ERBB4: variants seen among roughly 807,000 people sequenced by gnomAD.
The protein encoded by ERBB4 is erb-b2 receptor tyrosine kinase 4, also known as receptor tyrosine-protein kinase erbB-4.
ERBB4 carries 42 observed loss-of-function variants against 158.0 expected under a neutral mutation model. The ratio of observed to expected loss-of-function variants is 0.27; its 90% CI spans 0.21 to 0.34. The LOEUF (loss-of-function observed/expected upper bound fraction) is 0.34, where lower values mean the gene tolerates loss of function less well. Among genes scored for constraint, ERBB4 ranks in the 10% least tolerant of loss-of-function variants. The pLI is 1.00. For missense variants in ERBB4, 1,333 were observed against 1,624.1 expected (o/e 0.82, Z 3.08); for synonymous variants, 583 against 558.7 (o/e 1.04, Z -0.61).
intron 6 of ERBB4, among the ~76,000 whole-genome samples, chr2:211,722,793 A>T (rs2074145866): frequency 6.6e-6 from 1 of 152,222 alleles, no homozygotes; most frequent in Admixed American, 6.5e-5. Context: ...ATTGGTTTAA[A>T]GTTAGCTAAT....
chr2:211,834,739 T>G (rs2077302918), intron 3 of ERBB4, among the ~76,000 whole-genome samples: 1 of 152,070 alleles, frequency 6.6e-6, no homozygotes, highest in Admixed American at 6.6e-5. Flanking sequence ...TGTTGTAGAA[T>G]CTGAATCTCA....
intron 2 of ERBB4, among the ~76,000 whole-genome samples, chr2:211,949,472 T>C (rs1313729567): frequency 6.6e-6 from 1 of 152,210 alleles, no homozygotes; most frequent in Non-Finnish European, 1.5e-5. Context: ...TTGAAGATTA[T>C]ATGATGAAAT....
chr2:212,481,600 C>T (rs777817050), intron 1 of ERBB4, among the ~76,000 whole-genome samples: 8 of 152,112 alleles, frequency 5.3e-5, no homozygotes, highest in African/African-American at 1.4e-4. Context: ...ATCTTTTCAA[C>T]GCTAAAACAA....
chr2:211,831,315 T>C (rs2077214543), intron 3 of ERBB4, among the ~76,000 whole-genome samples: 1 of 152,198 alleles, frequency 6.6e-6, no homozygotes, highest in Non-Finnish European at 1.5e-5. Flanking sequence ...GTTTTACTCA[T>C]GAAGGGTCAT....
At chr2:212,489,326 C>A (rs1690147571) in intron 1 of ERBB4, among the ~76,000 whole-genome samples, 1 of 151,846 alleles carries the variant, frequency 6.6e-6, no homozygotes. Flanking sequence ...TCATAGGTAA[C>A]AAGGCTTGAG....
chr2:211,865,986 C>A (rs572754530), intron 3 of ERBB4, among the ~76,000 whole-genome samples: 2 of 152,042 alleles, frequency 1.3e-5, no homozygotes, highest in Non-Finnish European at 2.9e-5. Flanking sequence ...ATACTGTGAC[C>A]GATAAAAACT....
intron 1 of ERBB4, among the ~76,000 whole-genome samples, chr2:212,468,369 G>A (rs6733009): frequency 2.0e-5 from 3 of 152,070 alleles, no homozygotes; most frequent in Non-Finnish European, 4.4e-5. Context: ...TGCACTGTGG[G>A]AGGGACCCGG....
chr2:211,619,730 G>T (rs748929549), intron 18 of ERBB4, among the ~76,000 whole-genome samples: 3 of 152,048 alleles, frequency 2.0e-5, no homozygotes, highest in Non-Finnish European at 4.4e-5. Context: ...ATATTCAGCA[G>T]CAAGAAAAAC....
chr2:212,205,543 C>A (rs1027811326), intron 1 of ERBB4, among the ~76,000 whole-genome samples: 12 of 152,116 alleles, frequency 7.9e-5, no homozygotes, highest in South Asian at 4.1e-4. Flanking sequence ...AATTTTTACT[C>A]CATTAGTGAA....
chr2:212,043,528 G>A (rs1187299890), intron 2 of ERBB4, among the ~76,000 whole-genome samples: 1 of 152,090 alleles, frequency 6.6e-6, no homozygotes, highest in African/African-American at 2.4e-5. Flanking sequence ...AGGGATTTCA[G>A]ATAAAATGTT....
In ERBB4 at chr2:212,142,317, C is replaced by T. The variant is rs533449013; in HGVS notation, c.83-17414G>A. 5.9e-5 allele frequency among the ~76,000 whole-genome samples: 9 copies of T among 151,750 alleles called. No homozygotes were observed. In the South Asian group the frequency reaches 1.9e-3, roughly 32 times the overall value. ...TTTATAGCATTTGGAAGTACTTGACCCATAGTAGGTACTCAATAAATATTT... is the reference window on the plus strand; with the variant it reads ...TTTATAGCATTTGGAAGTACTTGACTCATAGTAGGTACTCAATAAATATTT... On this transcript the variant is annotated intron_variant, in intron 1 of 27. Coordinates refer to ENST00000342788, the MANE Select transcript of ERBB4 (RefSeq NM_005235.3).
chr2:212,319,648 T>A (rs1456520014), intron 1 of ERBB4, among the ~76,000 whole-genome samples: 1 of 150,236 alleles, frequency 6.7e-6, no homozygotes, highest in African/African-American at 2.4e-5. Flanking sequence ...GAATTGCATA[T>A]AAGTATATTT....
chr2:211,761,151 C>T (rs1210691518), intron 4 of ERBB4, among the ~76,000 whole-genome samples: 1 of 141,592 alleles, frequency 7.1e-6, no homozygotes, highest in African/African-American at 2.7e-5. Context: ...GCTGAGATTG[C>T]GCCACTGTAC....
chr2:212,194,291 TACACACACAC>T (rs5838307), intron 1 of ERBB4, among the ~76,000 whole-genome samples: 3 of 148,728 alleles, frequency 2.0e-5, no homozygotes, highest in African/African-American at 5.0e-5. Flanking sequence ...AAATAGTTTA[TACACACACAC>T]ACACACACAC....
At chr2:212,215,847 T>A (rs2083082152) in intron 1 of ERBB4, among the ~76,000 whole-genome samples, 1 of 151,490 alleles carries the variant, frequency 6.6e-6, no homozygotes. Flanking sequence ...ATTGATTTAT[T>A]AATGTCCAAG....
chr2:211,882,350 T>C (rs1347092847), intron 3 of ERBB4, among the ~76,000 whole-genome samples: 1 of 152,212 alleles, frequency 6.6e-6, no homozygotes, highest in African/African-American at 2.4e-5. Flanking sequence ...TTGGATTTGA[T>C]GGAGCTTATG....
chr2:211,681,644 T>G (rs2072337717), intron 12 of ERBB4, among the ~76,000 whole-genome samples: 1 of 152,320 alleles, frequency 6.6e-6, no homozygotes, highest in South Asian at 2.1e-4. Flanking sequence ...TTAATGTGTT[T>G]ATTTTTACAT....
intron 20 of ERBB4, among the ~76,000 whole-genome samples, chr2:211,497,957 T>C (rs930673094): frequency 6.6e-5 from 10 of 152,178 alleles, no homozygotes; most frequent in South Asian, 2.1e-4. Flanking sequence ...AGATGAAAGA[T>C]GTATGATGAA....
intron 15 of ERBB4, among the ~76,000 whole-genome samples, chr2:211,661,387 A>G (rs2071415590): frequency 6.6e-6 from 1 of 152,188 alleles, no homozygotes; most frequent in Admixed American, 6.5e-5. Flanking sequence ...AAAATCTAGA[A>G]TAGTAGAATT....
Sources: allele counts gnomAD v4.1 joint callset (sites outside exome capture counted in the v4.1 genomes callset), GRCh38; gene constraint gnomAD v4.1.1; transcripts MANE v1.5; gene names NCBI Gene and HGNC (gene_info 2026-07-23, HGNC 2026-07-21).